Variants in MDK observed in about 807,000 individuals in gnomAD.
The protein encoded by MDK is midkine, also known as amphiregulin-associated protein.
MDK carries 17 observed loss-of-function variants against 18.9 expected under a neutral mutation model. The ratio of observed to expected loss-of-function variants is 0.90; its 90% CI spans 0.62 to 1.35. MDK has a LOEUF of 1.35. MDK is among the 40% of genes most tolerant of loss of function. The probability of loss-of-function intolerance (pLI) is 0.00; values close to 1 mark genes in which losing one functional copy is unlikely to be tolerated. For synonymous variants in MDK, 86 were observed against 74.3 expected, an observed-to-expected ratio of 1.16 and a Z score of -0.81; for missense variants, 180 against 186.3, an observed-to-expected ratio of 0.97 and a Z score of 0.20.
In MDK at chr11:46,382,037, G is replaced by C; in HGVS notation, c.-1-20G>C. 1 of 1,593,372 alleles carries C rather than the reference G, an allele frequency of 6.3e-7. No homozygotes were observed. The highest frequency in any genetic ancestry group is 8.5e-7 in the Non-Finnish European group (1 of 1,170,674). On this transcript the variant is annotated intron_variant, in intron 1 of 4. Coordinates refer to ENST00000395566, the MANE Select transcript of MDK (RefSeq NM_002391.6). ...GGGAAGGGGACGGGCCAGGGATTCAGACTCGGGCTCTCCCCTCAGGATGCA... is the reference window on the plus strand; with the variant it reads ...GGGAAGGGGACGGGCCAGGGATTCACACTCGGGCTCTCCCCTCAGGATGCA...
intron 4 of MDK, 49 bp from the exon 5 acceptor site, chr11:46,383,420 G>T (rs1945280501): frequency 6.8e-7 from 1 of 1,465,598 alleles, no homozygotes; most frequent in Admixed American, 2.0e-5. Context: ...TCTGCAATGG[G>T]TCAGCCTAAC....
Position 46,383,626 on chromosome 11 carries a change from C to A in MDK, c.*132C>A. Reference sequence around the variant, plus strand: ...GTTAGCTTTAATCAATCATGCCCTGCCTTGTCCCTCTCACTCCCCAGCCCC... The same window carrying A: ...GTTAGCTTTAATCAATCATGCCCTGACTTGTCCCTCTCACTCCCCAGCCCC... On this transcript the variant is annotated 3_prime_UTR_variant, in exon 5 of 5. Transcript: ENST00000395566. The A allele has an allele frequency of 1.2e-6, 1 of 845,524 alleles. No homozygotes were observed. The highest frequency in any genetic ancestry group is 2.0e-6 in the Non-Finnish European group (1 of 500,154). The allele number at this position is 845,524 out of a possible 1,614,324, so 52.4% of individuals were successfully genotyped here. A position where few individuals can be genotyped will look rare whatever the true frequency, so the allele number is the denominator to read the frequency against.
In MDK at chr11:46,383,653, C is replaced by T. The variant is rs779046418; in HGVS notation, c.*159C>T. 186 of 733,292 alleles carry T rather than the reference C, an allele frequency of 2.5e-4. No individual in the cohort carries two copies. In the Admixed American group the frequency reaches 3.6e-3, roughly 14 times the overall value. 45.4% of individuals were successfully genotyped at this position (733,292 alleles called of 1,614,324 possible). On this transcript the variant is annotated 3_prime_UTR_variant, in exon 5 of 5. Transcript: ENST00000395566. Reference sequence around the variant, plus strand: ...TTGTCCCTCTCACTCCCCAGCCCCACCCCTAAGTGCCCAAAGTGGGGAGGG... The same window carrying T: ...TTGTCCCTCTCACTCCCCAGCCCCATCCCTAAGTGCCCAAAGTGGGGAGGG...
Position 46,383,734 on chromosome 11 carries a change from C to T in MDK, c.*240C>T, listed in dbSNP as rs561867960. 22 of 640,426 alleles carry T rather than the reference C, an allele frequency of 3.4e-5. No homozygotes were observed. Among genetic ancestry groups the T allele is most frequent in the South Asian group, 2.2e-4 (14 of 63,746 alleles). 39.7% of individuals were successfully genotyped at this position (640,426 alleles called of 1,614,324 possible). A position where few individuals can be genotyped will look rare whatever the true frequency, so the allele number is the denominator to read the frequency against. ...CCAAAGCAATGTGAGTCCCAGAGCCCGCTTTTGTTCTTCCCCACAATTCCA... is the reference window on the plus strand; with the variant it reads ...CCAAAGCAATGTGAGTCCCAGAGCCTGCTTTTGTTCTTCCCCACAATTCCA... On this transcript the variant is annotated 3_prime_UTR_variant, in exon 5 of 5. Coordinates refer to ENST00000395566, the MANE Select transcript of MDK (RefSeq NM_002391.6).
In MDK at chr11:46,383,567, C is replaced by A; in HGVS notation, c.*73C>A. ...GCCCACGCCCTCCCTCTCCCAGGCCCGAGATGTGACCCACCAGTGCCTTCT... is the reference window on the plus strand; with the variant it reads ...GCCCACGCCCTCCCTCTCCCAGGCCAGAGATGTGACCCACCAGTGCCTTCT... On this transcript the variant is annotated 3_prime_UTR_variant, in exon 5 of 5. Transcript: ENST00000395566. 7.4e-7 allele frequency: 1 copy of A among 1,353,116 alleles called. No individual in the cohort carries two copies. The highest frequency in any genetic ancestry group is 1.1e-6 in the Non-Finnish European group (1 of 945,032). 83.8% of individuals were successfully genotyped at this position (1,353,116 alleles called of 1,614,324 possible). A position where few individuals can be genotyped will look rare whatever the true frequency, so the allele number is the denominator to read the frequency against.
intron 4 of MDK, chr11:46,383,090 T>C: frequency 2.3e-6 from 1 of 440,140 alleles, no homozygotes; most frequent in South Asian, 2.4e-5. Flanking sequence ...CTCTGCCCTT[T>C]CTAGTGTTGG....
At position 46,382,355 on chromosome 11, in the gene MDK, C is replaced by T. The variant is rs752407888; in HGVS notation, c.138C>T (p.Thr46=). Residue 46 remains threonine (T), a synonymous_variant, in exon 3 of 5, where the codon ACC becomes ACT. Transcript: ENST00000395566. ...ECAEWAWGPC[T]PSSKDCGVGF... ...CTGAGTGGGCCTGGGGGCCCTGCAC[C>T]CCCAGCAGCAAGGATTGCGGCGTGG... 6.3e-7 allele frequency: 1 copy of T among 1,597,732 alleles called. No homozygotes were observed. Among genetic ancestry groups the T allele is most frequent in the South Asian group, 1.1e-5 (1 of 89,200 alleles).
rs373502349 is a variant in MDK at position 46,382,331 on chromosome 11, T to G, written c.114T>G (p.Ala38=). ...AGGGCGGCCCGGGGAGCGAGTGCGCTGAGTGGGCCTGGGGGCCCTGCACCC... is the reference window on the plus strand; with the variant it reads ...AGGGCGGCCCGGGGAGCGAGTGCGCGGAGTGGGCCTGGGGGCCCTGCACCC... ...VKKGGPGSEC[A]EWAWGPCTPS... is the part of the protein sequence containing the mutation. The change falls in exon 3 of 5, where the codon GCT becomes GCG. Residue 38 remains alanine (A), a synonymous_variant. Transcript: ENST00000395566. The G allele has an allele frequency of 8.7e-6, 14 of 1,606,678 alleles. No homozygotes were observed. The highest frequency in any genetic ancestry group is 1.2e-5 in the Non-Finnish European group (14 of 1,177,620).
chr11:46,381,432 A>G (rs1478243643), upstream of MDK: 1 of 150,498 alleles, frequency 6.6e-6, no homozygotes, highest in Non-Finnish European at 1.5e-5. Flanking sequence ...TCGGGAGACC[A>G]CCGCTCGGAA....
rs1268392971 is a variant in MDK, at chr11:46,382,496, G to C, written c.244+35G>C. On this transcript the variant is annotated intron_variant, in intron 3 of 4. Transcript: ENST00000395566. ...GGCGCAGTCAGAGGGCAGGAGACGGGGGGCACAGCCTCGCCGAAGCCTGGG... is the reference window on the plus strand; with the variant it reads ...GGCGCAGTCAGAGGGCAGGAGACGGCGGGCACAGCCTCGCCGAAGCCTGGG... 4 of 1,529,546 alleles carry C rather than the reference G, an allele frequency of 2.6e-6. No individual in the cohort carries two copies. The East Asian group carries it at 7.1e-5, about 27-fold the overall frequency. The allele number at this position is 1,529,546 out of a possible 1,614,324, so 94.7% of individuals were successfully genotyped here. A position where few individuals can be genotyped will look rare whatever the true frequency, so the allele number is the denominator to read the frequency against.
chr11:46,382,585 A>C lies in MDK; in HGVS notation c.245-2A>C, dbSNP rs1473739485. On this transcript the variant is annotated splice_acceptor_variant, in intron 3 of 4. Coordinates refer to ENST00000395566, the MANE Select transcript of MDK (RefSeq NM_002391.6). LOFTEE classifies it high-confidence loss of function. The stretch of plus-strand genomic sequence containing the variant: ...CGCTGACCTGGGCCGCTCTCTCGCC[A>C]GCCGACTGCAAGTACAAGTTTGAGA... The C allele has an allele frequency of 6.2e-7, 1 of 1,607,840 alleles. No individual in the cohort carries two copies. Among genetic ancestry groups the C allele is most frequent in the East Asian group, 2.2e-5 (1 of 44,636 alleles).
rs1334405329 is a variant in MDK, at chr11:46,381,710, G to A, written c.-50G>A. The stretch of plus-strand genomic sequence containing the variant: ...CAAAAGGGGCCGCGGCGGCCGGAGC[G>A]GGACGGGCCCGGCGCGGGAGGGAGC... On this transcript the variant is annotated 5_prime_UTR_variant, in exon 1 of 5. Transcript: ENST00000395566. 4 of 172,540 alleles carry A rather than the reference G, an allele frequency of 2.3e-5. No homozygotes were observed. The East Asian group carries it at 6.2e-4, about 27-fold the overall frequency. The allele number at this position is 172,540 out of a possible 1,614,324, so 10.7% of individuals were successfully genotyped here.
intron 2 of MDK, 39 bp from the exon 3 acceptor site, chr11:46,382,255 C>T: frequency 6.2e-7 from 1 of 1,603,576 alleles, no homozygotes; most frequent in Non-Finnish European, 8.5e-7. Context: ...GGAGTCTCCC[C>T]GTGCCCCAGT....
chr11:46,382,981 C>CA, intron 4 of MDK: 1 of 585,182 alleles, frequency 1.7e-6, no homozygotes, highest in South Asian at 2.0e-5. Context: ...GGGACCAACT[C>CA]AAACTACTCC....
intron 1 of MDK, 127 bp downstream of exon 1, chr11:46,381,885 G>A (rs1945188625): frequency 3.1e-6 from 2 of 649,014 alleles, no homozygotes; most frequent in Non-Finnish European, 5.2e-6. Context: ...GCCTCTTAGC[G>A]GTGCGTCCGG....
At chr11:46,382,502 CAGCCTCGCCGA>C in intron 3 of MDK, 41 bp downstream of exon 3, 1 of 1,531,694 alleles carries the variant, frequency 6.5e-7, no homozygotes, top group Non-Finnish European at 8.8e-7. Flanking sequence ...ACGGGGGGCA[CAGCCTCGCCGA>C]AGCCTGGGCG....
Position 46,382,435 on chromosome 11 carries a change from C to G in MDK, c.218C>G (p.Pro73Arg). 6.5e-7 allele frequency: 1 copy of G among 1,528,230 alleles called. No individual in the cohort carries two copies. Among genetic ancestry groups the G allele is most frequent in the Non-Finnish European group, 8.8e-7 (1 of 1,137,278 alleles). The allele number at this position is 1,528,230 out of a possible 1,614,324, so 94.7% of individuals were successfully genotyped here. A position where few individuals can be genotyped will look rare whatever the true frequency, so the allele number is the denominator to read the frequency against. The change falls in exon 3 of 5, where the codon CCC becomes CGC. Residue 73 changes from proline to arginine, a missense_variant. Physicochemically the swap from Pro to Arg is moderately radical, Grantham distance 103 (BLOSUM62 -2). Coordinates refer to ENST00000395566, the MANE Select transcript of MDK (RefSeq NM_002391.6). ...ACCCAGCGCATCCGGTGCAGGGTGCCCTGCAACTGGAAGAAGGAGTTTGGA... is the reference window on the plus strand; with the variant it reads ...ACCCAGCGCATCCGGTGCAGGGTGCGCTGCAACTGGAAGAAGGAGTTTGGA... ...AQTQRIRCRVPCNWKKEFGAD... is the reference protein window; with the variant it reads ...AQTQRIRCRVRCNWKKEFGAD...
At chr11:46,383,433 C>T in intron 4 of MDK, 36 bp from the exon 5 acceptor site, 1 of 1,544,618 alleles carries the variant, frequency 6.5e-7, no homozygotes, top group Non-Finnish European at 8.8e-7. Flanking sequence ...AGCCTAACTG[C>T]TGATATGGTA....
chr11:46,383,836 T>G, downstream of MDK: 1 of 385,874 alleles, frequency 2.6e-6, no homozygotes. Flanking sequence ...TAAAAGCCCC[T>G]TCCCAAGGAG....
Sources: allele counts gnomAD v4.1 joint callset, GRCh38; gene constraint gnomAD v4.1.1; transcripts MANE v1.5; gene names NCBI Gene and HGNC (gene_info 2026-07-23, HGNC 2026-07-21).